The following LRP1B variants were observed in gnomAD, a reference collection of about 807,000 sequenced individuals.
The protein encoded by LRP1B is LDL receptor related protein 1B.
LRP1B carries 217 observed loss-of-function variants against 556.6 expected under a neutral mutation model. The ratio of observed to expected loss-of-function variants is 0.39; its 90% CI spans 0.35 to 0.44. The LOEUF is 0.44. LRP1B is among the 20% of genes least tolerant of loss of function. The probability of loss-of-function intolerance (pLI) is 1.00; values close to 1 mark genes in which losing one functional copy is unlikely to be tolerated. For synonymous variants in LRP1B, 2,047 were observed against 1,865.8 expected (o/e 1.10, Z -2.50); for missense variants, 5,053 against 5,620.8 (o/e 0.90, Z 3.23).
At chr2:141,342,315 C>T (rs1688097323) in intron 3 of LRP1B, among the ~76,000 whole-genome samples, 1 of 146,058 alleles carries the variant, frequency 6.8e-6, no homozygotes, top group Admixed American at 6.8e-5. Context: ...TATCATAACC[C>T]AATATCATTC....
At chr2:141,432,316 T>C (rs1446223235) in intron 3 of LRP1B, among the ~76,000 whole-genome samples, 2 of 152,130 alleles carry the variant, frequency 1.3e-5, no homozygotes, top group Non-Finnish European at 2.9e-5. Flanking sequence ...ATAATCTATG[T>C]TATATGTCGT....
intron 3 of LRP1B, among the ~76,000 whole-genome samples, chr2:141,438,579 G>A (rs1305650748): frequency 1.3e-5 from 2 of 152,112 alleles, no homozygotes; most frequent in Non-Finnish European, 2.9e-5. Flanking sequence ...AAAAGGGATG[G>A]CATCTCTTAC....
chr2:142,032,723 C>A (rs985694835), intron 1 of LRP1B, among the ~76,000 whole-genome samples: 1 of 151,712 alleles, frequency 6.6e-6, no homozygotes, highest in Non-Finnish European at 1.5e-5. Context: ...TAGAGAATAT[C>A]GAGGCTGTTC....
chr2:140,580,862 T>C (rs1681733387), intron 43 of LRP1B, among the ~76,000 whole-genome samples: 1 of 152,142 alleles, frequency 6.6e-6, no homozygotes, highest in African/African-American at 2.4e-5. Context: ...AGAAATATCC[T>C]CCTGGATGTG....
intron 2 of LRP1B, among the ~76,000 whole-genome samples, chr2:141,795,575 T>C (rs899007512): frequency 4.6e-5 from 7 of 151,676 alleles, no homozygotes; most frequent in African/African-American, 1.7e-4. Flanking sequence ...AGGCAGTCAG[T>C]ACAAAAAAGG....
intron 1 of LRP1B, among the ~76,000 whole-genome samples, chr2:141,856,444 A>G (rs1229080117): frequency 6.6e-6 from 1 of 152,076 alleles, no homozygotes; most frequent in Non-Finnish European, 1.5e-5. Flanking sequence ...GACATGGGAA[A>G]CCACTGTTCA....
At chr2:141,585,906 G>C (rs1014308135) in intron 2 of LRP1B, among the ~76,000 whole-genome samples, 6 of 148,032 alleles carry the variant, frequency 4.1e-5, no homozygotes, top group African/African-American at 1.5e-4. Flanking sequence ...TTTTTAAGAC[G>C]AGGGTCTCGC....
intron 47 of LRP1B, among the ~76,000 whole-genome samples, chr2:140,526,826 G>T (rs1260652246): frequency 6.6e-6 from 1 of 151,628 alleles, no homozygotes; most frequent in Non-Finnish European, 1.5e-5. Context: ...TTGCCAAGAA[G>T]TAAAGCATTT....
intron 2 of LRP1B, among the ~76,000 whole-genome samples, chr2:141,797,169 A>G (rs1252561438): frequency 3.4e-5 from 3 of 88,706 alleles, no homozygotes; most frequent in East Asian, 1.1e-3. Flanking sequence ...ATATATATAT[A>G]TATATATATA....
chr2:141,537,016 GA>G (rs59400073), intron 2 of LRP1B, among the ~76,000 whole-genome samples: 4,269 of 148,078 alleles, frequency 0.029, 109 homozygotes, highest in East Asian at 0.12. Flanking sequence ...TAGGAAAAAG[GA>G]AAAAAAAAAT....
At chr2:141,173,543 C>A (rs985773131) in intron 7 of LRP1B, among the ~76,000 whole-genome samples, 1 of 152,004 alleles carries the variant, frequency 6.6e-6, no homozygotes, top group Non-Finnish European at 1.5e-5. Flanking sequence ...GATGACAAAG[C>A]AAACTTATTT....
intron 6 of LRP1B, among the ~76,000 whole-genome samples, chr2:141,212,791 A>C (rs190262029): frequency 5.3e-5 from 8 of 152,292 alleles, no homozygotes; most frequent in African/African-American, 1.9e-4. Flanking sequence ...TAGTACAGGA[A>C]GTCATCATTT....
At chr2:141,664,691 C>G (rs1690354689) in intron 2 of LRP1B, among the ~76,000 whole-genome samples, 1 of 151,472 alleles carries the variant, frequency 6.6e-6, no homozygotes, top group African/African-American at 2.4e-5. Context: ...AACCAGTGCT[C>G]AAGGAAATCA....
In LRP1B at chr2:141,809,627, G is replaced by A. The variant is rs541121383; in HGVS notation, c.205+652C>T. ...TATGTGTAATATGGAAAAAGCCTTC[G>A]GTGGATTCCAAGTTATAGTAGTACA... is the stretch of plus-strand genomic sequence containing the variant. On this transcript the variant is annotated intron_variant, in intron 2 of 90. Coordinates refer to ENST00000389484, the MANE Select transcript of LRP1B (RefSeq NM_018557.3). Among the ~76,000 whole-genome samples, 21 of 151,996 alleles carry A rather than the reference G, an allele frequency of 1.4e-4. No homozygotes were observed. The South Asian group carries it at 3.1e-3, about 23-fold the overall frequency.
chr2:140,737,699 G>T (rs954205175), intron 35 of LRP1B, among the ~76,000 whole-genome samples: 2 of 152,170 alleles, frequency 1.3e-5, no homozygotes, highest in African/African-American at 4.8e-5. Context: ...ATCTCAAGGA[G>T]CATGGGGGTG....
intron 2 of LRP1B, among the ~76,000 whole-genome samples, chr2:141,545,365 C>T (rs1331929109): frequency 6.6e-6 from 1 of 152,130 alleles, no homozygotes; most frequent in African/African-American, 2.4e-5. Flanking sequence ...ACAGTTTGGC[C>T]CATGGTTTGC....
intron 47 of LRP1B, among the ~76,000 whole-genome samples, chr2:140,528,691 CAG>C (rs752738668): frequency 2.0e-5 from 3 of 151,442 alleles, no homozygotes; most frequent in Non-Finnish European, 2.9e-5. Flanking sequence ...AAAGTTGTTG[CAG>C]AGTTTTGTAA....
intron 1 of LRP1B, among the ~76,000 whole-genome samples, chr2:141,994,948 C>CAT (rs1702447886): frequency 6.6e-6 from 1 of 152,078 alleles, no homozygotes; most frequent in Admixed American, 6.6e-5. Flanking sequence ...GGTATTAGCA[C>CAT]ATATATAGCA....
chr2:141,162,506 G>A (rs542999312), intron 7 of LRP1B, among the ~76,000 whole-genome samples: 11 of 152,008 alleles, frequency 7.2e-5, no homozygotes, highest in Admixed American at 2.6e-4. Flanking sequence ...TACTGCCTGC[G>A]GTACTATGAG....
Sources: gnomAD v4.1 joint callset for allele counts (sites outside exome capture counted in the v4.1 genomes callset) on GRCh38, gnomAD v4.1.1 for gene constraint, MANE v1.5 for transcripts, NCBI Gene and HGNC (gene_info 2026-07-23, HGNC 2026-07-21) for gene names.